Variants in CTNNA3 observed in about 807,000 individuals in gnomAD.
CTNNA3 encodes catenin alpha-3.
CTNNA3 carries 76 observed loss-of-function variants against 95.7 expected under a neutral mutation model. The observed-to-expected ratio is 0.79, with a 90% CI of 0.66 to 0.96. The LOEUF (loss-of-function observed/expected upper bound fraction) is 0.96, where lower values mean the gene tolerates loss of function less well. Ranked by LOEUF, CTNNA3 falls within the 40% of genes least tolerant of loss-of-function variation. The pLI, the probability that CTNNA3 is intolerant of heterozygous loss-of-function variation, is 0.00. For synonymous variants in CTNNA3, 431 were observed against 374.4 expected (o/e 1.15, Z -1.74); for missense variants, 1,191 against 1,089.8 (o/e 1.09, Z -1.31).
At chr10:67,169,371 A>T (rs1861917014) in intron 7 of CTNNA3, among the ~76,000 whole-genome samples, 1 of 152,168 alleles carries the variant, frequency 6.6e-6, no homozygotes, top group Non-Finnish European at 1.5e-5. Flanking sequence ...GCATCACGTT[A>T]CCCAACTTCA....
intron 17 of CTNNA3, among the ~76,000 whole-genome samples, chr10:65,933,057 C>T (rs888903389): frequency 6.6e-6 from 1 of 152,056 alleles, no homozygotes; most frequent in Non-Finnish European, 1.5e-5. Context: ...TATGTATGCG[C>T]TTTCCACTTT....
chr10:66,986,505 A>G (rs61866228), intron 7 of CTNNA3, among the ~76,000 whole-genome samples: 3 of 100,320 alleles, frequency 3.0e-5, no homozygotes, highest in Admixed American at 1.9e-4. Context: ...TTGCTAAACT[A>G]AACTAAAATA....
intron 7 of CTNNA3, among the ~76,000 whole-genome samples, chr10:66,953,369 T>C (rs1044170342): frequency 3.9e-5 from 6 of 152,336 alleles, no homozygotes; most frequent in Non-Finnish European, 7.3e-5. Context: ...CTGCCGGTTG[T>C]CTGAAATGAG....
At chr10:67,095,425 C>T (rs957414211) in intron 7 of CTNNA3, among the ~76,000 whole-genome samples, 1 of 151,646 alleles carries the variant, frequency 6.6e-6, no homozygotes, top group Admixed American at 6.6e-5. Flanking sequence ...AAGAAACTCA[C>T]TAAAGAAAAT....
chr10:66,245,322 G>C (rs2090272216), intron 13 of CTNNA3, among the ~76,000 whole-genome samples: 1 of 152,208 alleles, frequency 6.6e-6, no homozygotes, highest in African/African-American at 2.4e-5. Context: ...AACCCAAAGA[G>C]GGAGTCACAG....
chr10:67,672,916 T>C (rs1337877009), intron 1 of CTNNA3, among the ~76,000 whole-genome samples: 4 of 152,136 alleles, frequency 2.6e-5, no homozygotes, highest in Non-Finnish European at 4.4e-5. Context: ...GGTAGCTTGA[T>C]GGGGATGGCA....
chr10:66,491,638 T>C (rs1385817186), intron 11 of CTNNA3, among the ~76,000 whole-genome samples: 1 of 152,128 alleles, frequency 6.6e-6, no homozygotes, highest in Non-Finnish European at 1.5e-5. Flanking sequence ...TAAATAGACA[T>C]CCTTAAATGG....
chr10:67,185,585 T>C (rs546464316), intron 6 of CTNNA3, among the ~76,000 whole-genome samples: 1 of 152,320 alleles, frequency 6.6e-6, no homozygotes, highest in South Asian at 2.1e-4. Context: ...GATGAAACCA[T>C]AATCCCTACA....
chr10:67,487,235 A>C (rs1174153227), intron 5 of CTNNA3, among the ~76,000 whole-genome samples: 1 of 152,200 alleles, frequency 6.6e-6, no homozygotes, highest in Non-Finnish European at 1.5e-5. Flanking sequence ...GATAACACCA[A>C]TCATCCAAGG....
At chr10:66,739,222 C>G (rs1010087787) in intron 9 of CTNNA3, among the ~76,000 whole-genome samples, 1 of 152,118 alleles carries the variant, frequency 6.6e-6, no homozygotes, top group African/African-American at 2.4e-5. Flanking sequence ...CTTTAGTGTC[C>G]ATCAGAATCA....
intron 11 of CTNNA3, among the ~76,000 whole-genome samples, chr10:66,472,370 T>C (rs1839168360): frequency 6.6e-6 from 1 of 151,896 alleles, no homozygotes; most frequent in Non-Finnish European, 1.5e-5. Flanking sequence ...TAACAGATGA[T>C]CAGCCATATG....
At chr10:66,434,473 G>A (rs932085935) in intron 11 of CTNNA3, among the ~76,000 whole-genome samples, 1 of 152,116 alleles carries the variant, frequency 6.6e-6, no homozygotes, top group Admixed American at 6.6e-5. Context: ...AGGAATGCTT[G>A]AGATTTTTGC....
chr10:66,342,436 T>C (rs1277729814), intron 12 of CTNNA3, among the ~76,000 whole-genome samples: 3 of 152,100 alleles, frequency 2.0e-5, no homozygotes, highest in East Asian at 3.8e-4. Context: ...TTTAAACTTA[T>C]GAAATTTCTA....
intron 10 of CTNNA3, among the ~76,000 whole-genome samples, chr10:66,607,827 C>T (rs1038982929): frequency 2.0e-5 from 3 of 152,114 alleles, no homozygotes; most frequent in Non-Finnish European, 4.4e-5. Flanking sequence ...CTATGACAAA[C>T]ACACAGTCAA....
intron 5 of CTNNA3, among the ~76,000 whole-genome samples, chr10:67,316,175 G>T (rs959573299): frequency 4.6e-5 from 7 of 151,782 alleles, no homozygotes; most frequent in African/African-American, 1.5e-4. Context: ...ATTAATACTT[G>T]GTATTTAAAA....
intron 7 of CTNNA3, among the ~76,000 whole-genome samples, chr10:66,986,083 A>T (rs1364846466): frequency 6.6e-6 from 1 of 151,978 alleles, no homozygotes; most frequent in Non-Finnish European, 1.5e-5. Context: ...TTTTCTTTTT[A>T]GTTTGTGCAT....
intron 7 of CTNNA3, among the ~76,000 whole-genome samples, chr10:67,061,973 T>A (rs1350145331): frequency 6.6e-6 from 1 of 152,030 alleles, no homozygotes; most frequent in Non-Finnish European, 1.5e-5. Flanking sequence ...TCTTAGGAAA[T>A]AGCCACCCAC....
At chr10:66,064,913 T>G (rs1424049332) in intron 15 of CTNNA3, among the ~76,000 whole-genome samples, 1 of 152,156 alleles carries the variant, frequency 6.6e-6, no homozygotes, top group Non-Finnish European at 1.5e-5. Flanking sequence ...CTACTACATA[T>G]TAAATATATA....
chr10:66,954,627 G>A (rs1425812032), intron 7 of CTNNA3, among the ~76,000 whole-genome samples: 1 of 152,080 alleles, frequency 6.6e-6, no homozygotes, highest in Non-Finnish European at 1.5e-5. Flanking sequence ...GGAAAATGAG[G>A]TTTAAAGTCC....
Sources: gnomAD v4.1 joint callset for allele counts (sites outside exome capture counted in the v4.1 genomes callset) on GRCh38, gnomAD v4.1.1 for gene constraint, MANE v1.5 for transcripts, NCBI Gene and HGNC (gene_info 2026-07-23, HGNC 2026-07-21) for gene names.